NUP98: variants seen among roughly 807,000 people sequenced by gnomAD.
The protein encoded by NUP98 is nuclear pore complex protein Nup98-Nup96.
NUP98 carries 26 observed loss-of-function variants against 191.9 expected under a neutral mutation model. The observed-to-expected ratio is 0.14, with a 90% CI of 0.10 to 0.19. NUP98 has a LOEUF of 0.19. NUP98 is among the 10% of genes least tolerant of loss of function. The pLI, the probability that NUP98 is intolerant of heterozygous loss-of-function variation, is 1.00. For missense variants in NUP98, 1,941 were observed against 2,178.8 expected, an observed-to-expected ratio of 0.89 and a Z score of 2.17; for synonymous variants, 808 against 778.4, an observed-to-expected ratio of 1.04 and a Z score of -0.63.
In NUP98 at chr11:3,698,934, C is replaced by T. The variant is rs946036196; in HGVS notation, c.4009+148G>A. ...AAATTTTATGTTATATTACATATTC[C>T]ACGGGAACCAGCAATCTTTCTGGGA... is the stretch of plus-strand genomic sequence containing the variant. On this transcript the variant is annotated intron_variant, in intron 25 of 32. Transcript: ENST00000324932. 4.8e-5 allele frequency: 40 copies of T among 841,754 alleles called. No homozygotes were observed. In the Admixed American group the frequency reaches 6.7e-4, roughly 14 times the overall value. The allele number at this position is 841,754 out of a possible 1,614,324, so 52.1% of individuals were successfully genotyped here. A position where few individuals can be genotyped will look rare whatever the true frequency, so the allele number is the denominator to read the frequency against.
chr11:3,704,372 A>G (rs1158850370), intron 22 of NUP98, among the ~76,000 whole-genome samples: 1 of 152,200 alleles, frequency 6.6e-6, no homozygotes, highest in African/African-American at 2.4e-5. Context: ...TTACAAGCCC[A>G]CTAGAAAAGA....
intron 14 of NUP98, among the ~76,000 whole-genome samples, chr11:3,730,834 A>C (rs2079818466): frequency 6.6e-6 from 1 of 151,650 alleles, no homozygotes; most frequent in Non-Finnish European, 1.5e-5. Context: ...CTAATTATTC[A>C]AAAACAAAAC....
At chr11:3,781,086 T>A (rs1030879793) in intron 2 of NUP98, among the ~76,000 whole-genome samples, 3 of 148,740 alleles carry the variant, frequency 2.0e-5, no homozygotes, top group Non-Finnish European at 4.4e-5. Context: ...CTTAGGAGGC[T>A]GAGGTATGAG....
intron 16 of NUP98, among the ~76,000 whole-genome samples, chr11:3,722,637 G>C (rs1160136281): frequency 6.6e-6 from 1 of 152,002 alleles, no homozygotes; most frequent in Non-Finnish European, 1.5e-5. Flanking sequence ...GACCAGCCCA[G>C]GAAACATGGC....
At position 3,705,368 on chromosome 11, in the gene NUP98, A is replaced by G. The variant is rs370027784; in HGVS notation, c.2926-12T>C. ...GATGCTTTCATGATCTAAAAAGGCA[A>G]TATCTATAGAATGAATGTGCTTCCC... On this transcript the variant is annotated splice_polypyrimidine_tract_variant and intron_variant, in intron 21 of 32. Transcript: ENST00000324932. The G allele has an allele frequency of 3.5e-5, 56 of 1,613,336 alleles. No individual in the cohort carries two copies. Among genetic ancestry groups the G allele is most frequent in the East Asian group, 2.2e-4 (10 of 44,886 alleles).
intron 16 of NUP98, 172 bp from the exon 17 acceptor site, chr11:3,720,997 TG>T: frequency 2.1e-6 from 1 of 482,036 alleles, no homozygotes; most frequent in Admixed American, 3.6e-5. Flanking sequence ...TGTGTGTGTG[TG>T]TGTGTGTGTG....
chr11:3,778,280 G>C (rs369459440), intron 4 of NUP98, among the ~76,000 whole-genome samples: 1 of 151,840 alleles, frequency 6.6e-6, no homozygotes, highest in South Asian at 2.1e-4. Flanking sequence ...TGCCAGGAAT[G>C]GAATCACTTG....
chr11:3,781,968 G>C (rs1346030616), intron 2 of NUP98, 74 bp downstream of exon 2: 3 of 951,940 alleles, frequency 3.2e-6, no homozygotes, highest in South Asian at 1.5e-5. Flanking sequence ...CCCACCTAAA[G>C]CTTATCAGAG....
chr11:3,752,240 A>T (rs547076263), intron 11 of NUP98, among the ~76,000 whole-genome samples: 2 of 151,194 alleles, frequency 1.3e-5, no homozygotes, highest in South Asian at 4.2e-4. Flanking sequence ...AATGACAGCC[A>T]GGCACGGTGG....
chr11:3,767,070 T>C (rs780023210), intron 8 of NUP98, among the ~76,000 whole-genome samples: 1 of 152,142 alleles, frequency 6.6e-6, no homozygotes, highest in Non-Finnish European at 1.5e-5. Flanking sequence ...GTTTAAGCAA[T>C]TCTCCTGCCT....
chr11:3,792,190 A>C (rs1312689992), intron 1 of NUP98, among the ~76,000 whole-genome samples: 2 of 145,346 alleles, frequency 1.4e-5, no homozygotes, highest in African/African-American at 2.7e-5. Flanking sequence ...AAAAAAAAAA[A>C]AAAAAAAAAA....
At chr11:3,778,195 T>A (rs1589950816) in intron 4 of NUP98, among the ~76,000 whole-genome samples, 1 of 90,972 alleles carries the variant, frequency 1.1e-5, no homozygotes, top group Non-Finnish European at 2.0e-5. Context: ...CGAGACTCCA[T>A]CTCAAAAAAA....
At position 3,729,715 on chromosome 11, in the gene NUP98, CAAAAAAAAAAAA is replaced by C. The variant is rs755816362; in HGVS notation, c.1730+1664_1730+1675del. Among the ~76,000 whole-genome samples the C allele has an allele frequency of 0.012, 452 of 37,410 alleles. 24 individuals carry two copies. The Middle Eastern group carries it at 0.16, about 13-fold the overall frequency. 24.5% of individuals were successfully genotyped at this position (37,410 alleles called of 152,430 possible). A position where few individuals can be genotyped will look rare whatever the true frequency, so the allele number is the denominator to read the frequency against. ...GGGCAATGGCATAAGACTCTTGCCT[CAAAAAAAAAAAA>C]AAAAAAAAAAAAAAGGATGACGTTT... On this transcript the variant is annotated intron_variant, in intron 14 of 32. Coordinates refer to ENST00000324932, the MANE Select transcript of NUP98 (RefSeq NM_016320.5).
intron 21 of NUP98, among the ~76,000 whole-genome samples, 198 bp downstream of exon 21, chr11:3,706,247 C>G (rs2078855473): frequency 6.6e-6 from 1 of 152,152 alleles, no homozygotes; most frequent in Non-Finnish European, 1.5e-5. Context: ...GAAACCCTAT[C>G]TACTAGTTCT....
At chr11:3,702,009 G>A (rs989951395) in intron 23 of NUP98, among the ~76,000 whole-genome samples, 1 of 151,830 alleles carries the variant, frequency 6.6e-6, no homozygotes, top group African/African-American at 2.4e-5. Context: ...ATGAAGGATA[G>A]GCTGGGCAAG....
rs2077885186 is a variant in NUP98 at position 3,678,416 on chromosome 11, C to T, written c.5073+1138G>A. On this transcript the variant is annotated intron_variant, in intron 31 of 32. Transcript: ENST00000324932. ...TTGCCTGTAACCGTAAAAGACCTTC[C>T]CAAAAGGGGCTTATAGCAACCTGAA... Among the ~76,000 whole-genome samples the T allele has an allele frequency of 2.0e-5, 3 of 152,082 alleles. No homozygotes were observed. In the South Asian group the frequency reaches 6.2e-4, roughly 32 times the overall value.
intron 12 of NUP98, among the ~76,000 whole-genome samples, chr11:3,743,651 A>C (rs1334546883): frequency 6.6e-6 from 1 of 151,342 alleles, no homozygotes; most frequent in Middle Eastern, 3.4e-3. Flanking sequence ...CATCTCAAAA[A>C]AAAAAAAAAA....
At chr11:3,696,051 C>T (rs554517916) in intron 25 of NUP98, among the ~76,000 whole-genome samples, 3 of 152,022 alleles carry the variant, frequency 2.0e-5, no homozygotes, top group South Asian at 2.1e-4. Flanking sequence ...AATCACCGGG[C>T]GTGCTGGTGC....
At chr11:3,720,976 G>A (rs2079372298) in intron 16 of NUP98, 151 bp from the exon 17 acceptor site, 2 of 84,438 alleles carry the variant, frequency 2.4e-5, no homozygotes, top group Non-Finnish European at 2.0e-5. Context: ...GGGTGTGTGA[G>A]TGTGTGTGTG....
Sources: gnomAD v4.1 joint callset for allele counts (sites outside exome capture counted in the v4.1 genomes callset) on GRCh38, gnomAD v4.1.1 for gene constraint, MANE v1.5 for transcripts, NCBI Gene and HGNC (gene_info 2026-07-23, HGNC 2026-07-21) for gene names.